Variants in CDH8 observed in about 807,000 individuals in gnomAD.
CDH8 encodes the protein cadherin 8.
In CDH8, 17 loss-of-function variants were observed where a neutral mutation model predicts 68.1. The observed-to-expected ratio is 0.25, with a 90% CI of 0.17 to 0.37. CDH8 has a LOEUF of 0.37. CDH8 is among the 10% of genes least tolerant of loss of function. CDH8 has a pLI of 1.00. For synonymous variants in CDH8, 372 were observed against 365.1 expected, an observed-to-expected ratio of 1.02 and a Z score of -0.21; for missense variants, 763 against 999.3, an observed-to-expected ratio of 0.76 and a Z score of 3.19.
intron 3 of CDH8, among the ~76,000 whole-genome samples, chr16:61,898,582 A>T (rs2143245120): frequency 6.6e-6 from 1 of 152,338 alleles, no homozygotes; most frequent in South Asian, 2.1e-4. Context: ...AAACACATAT[A>T]TCAGCTAAGA....
intron 10 of CDH8, chr16:61,692,071 T>C (rs996138100): frequency 5.3e-5 from 8 of 152,146 alleles, no homozygotes; most frequent in Non-Finnish European, 7.4e-5. Flanking sequence ...AAAGTGCCAT[T>C]ATTACCAACC....
chr16:61,931,025 T>G (rs561043952), intron 2 of CDH8, among the ~76,000 whole-genome samples: 1 of 152,240 alleles, frequency 6.6e-6, no homozygotes, highest in Non-Finnish European at 1.5e-5. Flanking sequence ...AGTTACTGAA[T>G]AGTCATGTCA....
At chr16:61,876,960 C>T (rs1214517178) in intron 3 of CDH8, among the ~76,000 whole-genome samples, 1 of 152,060 alleles carries the variant, frequency 6.6e-6, no homozygotes, top group Non-Finnish European at 1.5e-5. Flanking sequence ...CTTCACTGTA[C>T]CATCATGGAG....
At chr16:61,807,702 T>C (rs1229582840) in intron 7 of CDH8, among the ~76,000 whole-genome samples, 1 of 152,012 alleles carries the variant, frequency 6.6e-6, no homozygotes, top group Non-Finnish European at 1.5e-5. Flanking sequence ...AAATCCCCAC[T>C]CCAGAGGTTT....
At chr16:61,772,927 G>C (rs1318333746) in intron 8 of CDH8, among the ~76,000 whole-genome samples, 1 of 151,908 alleles carries the variant, frequency 6.6e-6, no homozygotes, top group Non-Finnish European at 1.5e-5. Flanking sequence ...AACCTATTCT[G>C]CTCCTGAATT....
intron 10 of CDH8, among the ~76,000 whole-genome samples, chr16:61,700,763 G>C (rs944537549): frequency 6.6e-6 from 1 of 152,098 alleles, no homozygotes; most frequent in Admixed American, 6.5e-5. Flanking sequence ...GGTAGCCAAA[G>C]GCTCTTTAAT....
chr16:61,710,398 G>C lies in CDH8; in HGVS notation c.1654+3443C>G, dbSNP rs539987171. Among the ~76,000 whole-genome samples, 13 of 152,158 alleles carry C rather than the reference G, an allele frequency of 8.5e-5. 1 individual carries two copies. In the East Asian group the frequency reaches 2.5e-3, roughly 29 times the overall value. On this transcript the variant is annotated intron_variant, in intron 10 of 11. Coordinates refer to ENST00000577390, the MANE Select transcript of CDH8 (RefSeq NM_001796.5). Reference sequence around the variant, plus strand: ...ATTATGGACAATGAGGTAACACGAGGCATGTTTATTCCAAAGTAATGGTTA... The same window carrying C: ...ATTATGGACAATGAGGTAACACGAGCCATGTTTATTCCAAAGTAATGGTTA...
At chr16:61,971,586 A>C (rs79488100) in intron 2 of CDH8, among the ~76,000 whole-genome samples, 6,035 of 152,284 alleles carry the variant, frequency 0.04, 177 homozygotes, top group Non-Finnish European at 0.058. Context: ...GAAGCTCTCC[A>C]AATTCAGTTC....
chr16:61,994,838 C>A (rs914983427), intron 2 of CDH8, among the ~76,000 whole-genome samples: 3 of 152,196 alleles, frequency 2.0e-5, no homozygotes, highest in Admixed American at 2.0e-4. Context: ...GTTTCTCAAT[C>A]CCCCTGCAAA....
At chr16:61,851,962 TCCTGCTTCAAACA>T (rs1379362251) in intron 4 of CDH8, among the ~76,000 whole-genome samples, 1 of 152,050 alleles carries the variant, frequency 6.6e-6, no homozygotes, top group African/African-American at 2.4e-5. Flanking sequence ...TCACCTTGAA[TCCTGCTTCAAACA>T]CCTTGGGCAA....
chr16:61,982,223 T>C (rs1170185866), intron 2 of CDH8, among the ~76,000 whole-genome samples: 1 of 152,014 alleles, frequency 6.6e-6, no homozygotes, highest in Non-Finnish European at 1.5e-5. Flanking sequence ...ATTAGGCAAT[T>C]TTCTTTTTTT....
At chr16:61,963,765 A>AT (rs1344320561) in intron 2 of CDH8, among the ~76,000 whole-genome samples, 2 of 152,178 alleles carry the variant, frequency 1.3e-5, no homozygotes, top group African/African-American at 4.8e-5. Flanking sequence ...ATGTTAATTG[A>AT]TTGATGGTAG....
intron 8 of CDH8, among the ~76,000 whole-genome samples, chr16:61,767,325 G>A (rs1406615788): frequency 4.6e-5 from 7 of 151,902 alleles, no homozygotes; most frequent in African/African-American, 1.7e-4. Flanking sequence ...TTCTAATTAT[G>A]AATTCATGAA....
At chr16:61,867,123 A>G (rs1369014573) in intron 3 of CDH8, among the ~76,000 whole-genome samples, 1 of 152,178 alleles carries the variant, frequency 6.6e-6, no homozygotes, top group Non-Finnish European at 1.5e-5. Flanking sequence ...AGAGTCTTAG[A>G]TGAAAAAGGT....
chr16:61,858,521 A>T (rs1401418405), intron 3 of CDH8, among the ~76,000 whole-genome samples: 1 of 152,226 alleles, frequency 6.6e-6, no homozygotes, highest in Non-Finnish European at 1.5e-5. Flanking sequence ...TTACTCATTG[A>T]ATAAATGGGT....
intron 7 of CDH8, among the ~76,000 whole-genome samples, chr16:61,813,050 G>A (rs1039039401): frequency 1.3e-5 from 2 of 152,058 alleles, no homozygotes; most frequent in East Asian, 3.9e-4. Context: ...TCACAATCTG[G>A]TTCACAGCCA....
At chr16:62,005,053 T>C (rs1000446706) in intron 2 of CDH8, among the ~76,000 whole-genome samples, 1 of 152,200 alleles carries the variant, frequency 6.6e-6, no homozygotes, top group African/African-American at 2.4e-5. Context: ...TAGAGGAGTC[T>C]TCAGATGCAG....
At chr16:61,801,833 T>C (rs56334805) in intron 7 of CDH8, among the ~76,000 whole-genome samples, 1 of 152,228 alleles carries the variant, frequency 6.6e-6, no homozygotes, top group Non-Finnish European at 1.5e-5. Context: ...GGAGTCTCGC[T>C]GATTTCTAGC....
chr16:61,812,847 GC>G (rs1262572583), intron 7 of CDH8, among the ~76,000 whole-genome samples: 5 of 152,120 alleles, frequency 3.3e-5, no homozygotes, highest in African/African-American at 9.6e-5. Flanking sequence ...CTCTCGTCCT[GC>G]GTTTACGTGC....
Sources: allele counts gnomAD v4.1 joint callset (sites outside exome capture counted in the v4.1 genomes callset), GRCh38; gene constraint gnomAD v4.1.1; transcripts MANE v1.5; gene names NCBI Gene and HGNC (gene_info 2026-07-23, HGNC 2026-07-21).